DOCK9: variants seen among roughly 807,000 people sequenced by gnomAD.
The protein encoded by DOCK9 is dedicator of cytokinesis protein 9.
A neutral mutation model predicts 263.3 loss-of-function variants in DOCK9; 89 were observed. The ratio of observed to expected loss-of-function variants is 0.34; its 90% CI spans 0.28 to 0.40. The LOEUF is 0.40. Ranked by LOEUF, DOCK9 falls within the 10% of genes least tolerant of loss-of-function variation. The pLI, the probability that DOCK9 is intolerant of heterozygous loss-of-function variation, is 1.00. For synonymous variants in DOCK9, 976 were observed against 973.1 expected (o/e 1.00, Z -0.06); for missense variants, 2,140 against 2,603.4 (o/e 0.82, Z 3.87).
At chr13:98,848,744 T>A in intron 36 of DOCK9, 105 bp from the exon 37 acceptor site, 1 of 1,187,578 alleles carries the variant, frequency 8.4e-7, no homozygotes, top group Non-Finnish European at 1.2e-6. Flanking sequence ...TTATGTCTAG[T>A]ACCAGCATAA....
chr13:98,943,558 G>GTA (rs1418064196), intron 2 of DOCK9, among the ~76,000 whole-genome samples: 2 of 152,010 alleles, frequency 1.3e-5, no homozygotes, highest in African/African-American at 4.8e-5. Flanking sequence ...CAAATTTACT[G>GTA]TCTACTTTAC....
In DOCK9 at chr13:98,819,779, G is replaced by A. The variant is rs140848606; in HGVS notation, c.5130+4619C>T. ...TTTAACCACCACGCTTGGATGAGAC[G>A]TAAACAGTAATCCCTGAATATGTTC... is the stretch of plus-strand genomic sequence containing the variant. On this transcript the variant is annotated intron_variant, in intron 45 of 52. Coordinates refer to ENST00000682017, the MANE Select transcript of DOCK9 (RefSeq NM_001366683.2). Among the ~76,000 whole-genome samples the A allele has an allele frequency of 1.6e-4, 25 of 152,340 alleles. No homozygotes were observed. The East Asian group carries it at 3.5e-3, about 21-fold the overall frequency.
intron 2 of DOCK9, among the ~76,000 whole-genome samples, chr13:98,942,460 G>A (rs981483374): frequency 2.0e-5 from 3 of 151,976 alleles, no homozygotes; most frequent in Non-Finnish European, 4.4e-5. Flanking sequence ...GGATGGTCTC[G>A]ATCTCCTGAC....
intron 27 of DOCK9, among the ~76,000 whole-genome samples, chr13:98,874,638 A>T (rs185038242): frequency 7.2e-5 from 11 of 152,330 alleles, no homozygotes; most frequent in Admixed American, 2.0e-4. Context: ...GCATCACCAT[A>T]AAATGTCATT....
exon 1 of DOCK9, chr13:99,086,236 C>T: frequency 6.6e-7 from 1 of 1,504,902 alleles, no homozygotes; most frequent in Non-Finnish European, 8.8e-7. Flanking sequence ...GAGCACGGAG[C>T]CGCGCACCAC....
intron 12 of DOCK9, 65 bp from the exon 13 acceptor site, chr13:98,901,965 C>CATT (rs1260688112): frequency 6.4e-7 from 1 of 1,568,502 alleles, no homozygotes; most frequent in Non-Finnish European, 8.7e-7. Context: ...ATCCCATGAA[C>CATT]ATTAAACAGC....
At chr13:98,842,534 C>T (rs1027734355) in intron 38 of DOCK9, among the ~76,000 whole-genome samples, 2 of 152,176 alleles carry the variant, frequency 1.3e-5, no homozygotes, top group African/African-American at 2.4e-5. Context: ...ATTCCTAGAA[C>T]AACACGACAT....
At chr13:98,905,361 G>C (rs983143442) in intron 9 of DOCK9, among the ~76,000 whole-genome samples, 1 of 152,168 alleles carries the variant, frequency 6.6e-6, no homozygotes, top group African/African-American at 2.4e-5. Flanking sequence ...CATATCAACA[G>C]GTAATAAGGA....
intron 1 of DOCK9, among the ~76,000 whole-genome samples, chr13:99,008,033 T>C (rs936944616): frequency 1.3e-5 from 2 of 151,932 alleles, no homozygotes; most frequent in African/African-American, 4.8e-5. Context: ...TGCATAGATA[T>C]TTATCACAAC....
chr13:98,942,290 G>A (rs563018863), intron 2 of DOCK9, among the ~76,000 whole-genome samples: 2 of 148,522 alleles, frequency 1.3e-5, no homozygotes, highest in East Asian at 4.0e-4. Context: ...CTAGGCTGGA[G>A]TACAGTGGCG....
chr13:99,066,500 T>G (rs1162803052), intron 1 of DOCK9, among the ~76,000 whole-genome samples: 2 of 152,214 alleles, frequency 1.3e-5, no homozygotes, highest in Non-Finnish European at 1.5e-5. Flanking sequence ...AGAACTATAA[T>G]AGCATACTAT....
intron 1 of DOCK9, among the ~76,000 whole-genome samples, chr13:99,009,353 G>A (rs970477581): frequency 1.3e-5 from 2 of 152,030 alleles, no homozygotes; most frequent in East Asian, 1.9e-4. Context: ...AAAACCCACC[G>A]GGCATCATTA....
intron 26 of DOCK9, 24 bp downstream of exon 26, chr13:98,880,523 G>T: frequency 6.2e-7 from 1 of 1,613,544 alleles, no homozygotes. Flanking sequence ...TTCAATCAGA[G>T]CCACACTGAC....
chr13:98,980,152 T>C (rs1161300198), upstream of DOCK9, among the ~76,000 whole-genome samples: 2 of 152,212 alleles, frequency 1.3e-5, no homozygotes, highest in African/African-American at 4.8e-5. Context: ...GCCCCTCAAG[T>C]AGCAGGAACT....
intron 1 of DOCK9, chr13:99,015,318 A>C: frequency 2.8e-6 from 2 of 723,908 alleles, no homozygotes; most frequent in Non-Finnish European, 2.0e-6. Context: ...TAAGGCCACT[A>C]ATTACCCATT....
chr13:99,046,491 G>A lies in DOCK9; in HGVS notation c.129+39732C>T, dbSNP rs898269029. 5.9e-5 allele frequency among the ~76,000 whole-genome samples: 9 copies of A among 152,292 alleles called. No homozygotes were observed. In the South Asian group the frequency reaches 8.3e-4, roughly 14 times the overall value. On this transcript the variant is annotated intron_variant, in intron 1 of 32. Coordinates refer to the DOCK9 transcript ENST00000427887. ...ATGCTAACCTCCTTAGCTGCGCTCC[G>A]GAAAACAGCACTTAAAGGGTTGCCC...
At chr13:98,803,625 C>T (rs1158634568) in intron 49 of DOCK9, among the ~76,000 whole-genome samples, 2 of 152,094 alleles carry the variant, frequency 1.3e-5, no homozygotes, top group Non-Finnish European at 2.9e-5. Context: ...GGAAAGTTAT[C>T]ACAGCTGAAC....
chr13:99,031,564 G>A (rs1443822932), intron 1 of DOCK9, among the ~76,000 whole-genome samples: 4 of 152,194 alleles, frequency 2.6e-5, no homozygotes, highest in Non-Finnish European at 5.9e-5. Flanking sequence ...TAATATAGAT[G>A]TGGTCCTCTA....
intron 2 of DOCK9, among the ~76,000 whole-genome samples, chr13:98,939,767 T>C (rs1050765497): frequency 1.3e-5 from 2 of 152,240 alleles, no homozygotes; most frequent in African/African-American, 4.8e-5. Context: ...CTGGGCCAAA[T>C]GGAGAGCATC....
Sources: gnomAD v4.1 joint callset for allele counts (sites outside exome capture counted in the v4.1 genomes callset) on GRCh38, gnomAD v4.1.1 for gene constraint, MANE v1.5 for transcripts, NCBI Gene and HGNC (gene_info 2026-07-23, HGNC 2026-07-21) for gene names.